Variants in FAT3 observed in about 807,000 individuals in gnomAD.
FAT3 encodes the protein protocadherin Fat 3.
In FAT3, 95 loss-of-function variants were observed where a neutral mutation model predicts 310.2. The ratio of observed to expected loss-of-function variants is 0.31; its 90% CI spans 0.26 to 0.36. The LOEUF (loss-of-function observed/expected upper bound fraction) is 0.36. Ranked by LOEUF, FAT3 falls within the 10% of genes least tolerant of loss-of-function variation. The probability of loss-of-function intolerance (pLI) is 1.00; values close to 1 mark genes in which losing one functional copy is unlikely to be tolerated. For synonymous variants in FAT3, 2,314 were observed against 2,192.9 expected (o/e 1.06, Z -1.54); for missense variants, 5,408 against 5,715.6 (o/e 0.95, Z 1.74).
chr11:92,474,289 T>C (rs186560903), intron 2 of FAT3, among the ~76,000 whole-genome samples: 4 of 152,194 alleles, frequency 2.6e-5, no homozygotes, highest in Admixed American at 2.6e-4. Flanking sequence ...ATGAGAAATT[T>C]ATTACCAGGA....
intron 3 of FAT3, among the ~76,000 whole-genome samples, chr11:92,628,585 G>T (rs924488097): frequency 1.3e-5 from 2 of 152,320 alleles, no homozygotes; most frequent in Non-Finnish European, 2.9e-5. Context: ...TTGACAGAGT[G>T]CTTAGTGAAA....
At chr11:92,888,681 G>GCT (rs1159182505) in intron 25 of FAT3, among the ~76,000 whole-genome samples, 1 of 152,146 alleles carries the variant, frequency 6.6e-6, no homozygotes, top group Non-Finnish European at 1.5e-5. Context: ...CTAGGCCTTG[G>GCT]GTCGTTCTGG....
chr11:92,859,249 C>A lies in FAT3; in HGVS notation c.11585C>A (p.Ala3862Asp). The change falls in exon 21 of 28, where the codon GCT becomes GAT. Residue 3862 changes from alanine to aspartate, a missense_variant. Ala to Asp is a moderately radical substitution (Grantham distance 126, BLOSUM62 -2). Around this residue, in one of 5 missense-constraint regions of FAT3, gnomAD observed 4,588 missense variants for 4,809.8 expected, o/e 0.95. Transcript: ENST00000525166. Reference sequence around the variant, plus strand: ...AGCAAAGAAGAGGATTTCAAACTAGCTCTGCGTCTTCGAACACTGCAAAGC... The same window carrying A: ...AGCAAAGAAGAGGATTTCAAACTAGATCTGCGTCTTCGAACACTGCAAAGC... ...ENSKEEDFKL[A>D]LRLRTLQSNG... 6.2e-7 allele frequency: 1 copy of A among 1,613,776 alleles called. No homozygotes were observed. The highest frequency in any genetic ancestry group is 8.5e-7 in the Non-Finnish European group (1 of 1,179,818).
chr11:92,793,998 C>T (rs1347930061), intron 9 of FAT3, among the ~76,000 whole-genome samples: 2 of 151,984 alleles, frequency 1.3e-5, no homozygotes, highest in African/African-American at 4.8e-5. Flanking sequence ...TAGGCACCCA[C>T]ATTTTACATG....
At chr11:92,531,806 G>C (rs1954083761) in intron 3 of FAT3, among the ~76,000 whole-genome samples, 1 of 151,916 alleles carries the variant, frequency 6.6e-6, no homozygotes, top group Admixed American at 6.6e-5. Flanking sequence ...ACCAACTTCA[G>C]AGTTTCTCAA....
chr11:92,685,924 G>T (rs1358389924), intron 3 of FAT3, among the ~76,000 whole-genome samples: 1 of 152,122 alleles, frequency 6.6e-6, no homozygotes, highest in Non-Finnish European at 1.5e-5. Context: ...TTATAAAGCA[G>T]TTATAAATAA....
At chr11:92,788,944 A>G (rs1165248031) in intron 7 of FAT3, among the ~76,000 whole-genome samples, 1 of 152,232 alleles carries the variant, frequency 6.6e-6, no homozygotes, top group Non-Finnish European at 1.5e-5. Context: ...TTATGGATGT[A>G]TTAACCAAAT....
intron 2 of FAT3, among the ~76,000 whole-genome samples, chr11:92,373,357 T>C (rs532009361): frequency 1.3e-5 from 2 of 152,218 alleles, no homozygotes; most frequent in Non-Finnish European, 2.9e-5. Context: ...ATGAAATAAT[T>C]TGCCCAAGTC....
chr11:92,750,700 C>T (rs1044038032), intron 4 of FAT3, among the ~76,000 whole-genome samples: 1 of 152,024 alleles, frequency 6.6e-6, no homozygotes, highest in African/African-American at 2.4e-5. Flanking sequence ...TTAATACTGG[C>T]TTGGTAGCAT....
intron 1 of FAT3, among the ~76,000 whole-genome samples, chr11:92,260,992 G>A (rs1253860653): frequency 3.3e-5 from 5 of 152,082 alleles, no homozygotes; most frequent in African/African-American, 9.7e-5. Context: ...GTCATTATCT[G>A]TGGGTAGTGT....
chr11:92,442,084 TATATATATATA>T (rs1951078565), intron 2 of FAT3, among the ~76,000 whole-genome samples: 27 of 63,188 alleles, frequency 4.3e-4, no homozygotes, highest in Middle Eastern at 0.012. Flanking sequence ...ATATATTTTA[TATATATATATA>T]TATATATATA....
chr11:92,236,883 G>A (rs1467484428), intron 1 of FAT3, among the ~76,000 whole-genome samples: 2 of 152,134 alleles, frequency 1.3e-5, no homozygotes, highest in Non-Finnish European at 2.9e-5. Context: ...AGTTTTGTGT[G>A]ATTGTTTTAG....
chr11:92,821,635 G>C (rs1022256125), intron 13 of FAT3, among the ~76,000 whole-genome samples: 1 of 152,176 alleles, frequency 6.6e-6, no homozygotes, highest in Non-Finnish European at 1.5e-5. Context: ...ATCATCTTCT[G>C]TTTTAAGTCT....
Position 92,799,446 on chromosome 11 carries a change from T to C in FAT3, c.6433T>C (p.Phe2145Leu). ...NSGNVILKEA[F>L]NSDLSNIEYG... ...AGGGAATGTTATTTTAAAGGAAGCA[T>C]TCAACTCTGACTTGTCCAACATTGA... Residue 2145 changes from phenylalanine (F) to leucine (L), a missense_variant, in exon 10 of 28, where the codon TTC becomes CTC. Phe to Leu is a conservative substitution (Grantham distance 22). Around this residue, in one of 5 missense-constraint regions of FAT3, gnomAD observed 4,588 missense variants for 4,809.8 expected, o/e 0.95. Coordinates refer to ENST00000525166, the MANE Select transcript of FAT3 (RefSeq NM_001367949.2). 6.2e-6 allele frequency: 10 copies of C among 1,613,628 alleles called. No homozygotes were observed. Among genetic ancestry groups the C allele is most frequent in the Non-Finnish European group, 7.6e-6 (9 of 1,179,778 alleles).
intron 2 of FAT3, among the ~76,000 whole-genome samples, chr11:92,384,115 C>G (rs1349720525): frequency 1.3e-5 from 2 of 152,156 alleles, no homozygotes; most frequent in Non-Finnish European, 2.9e-5. Context: ...GTCATTAATA[C>G]TAGCCTCCTT....
At chr11:92,680,195 A>T (rs1303671272) in intron 3 of FAT3, among the ~76,000 whole-genome samples, 1 of 151,506 alleles carries the variant, frequency 6.6e-6, no homozygotes. Context: ...ACCAATACCC[A>T]GAAGAGTTTT....
At chr11:92,653,637 T>C (rs1942468349) in intron 3 of FAT3, among the ~76,000 whole-genome samples, 1 of 152,220 alleles carries the variant, frequency 6.6e-6, no homozygotes, top group Non-Finnish European at 1.5e-5. Flanking sequence ...ACAATGGGGT[T>C]TGTTTCACAA....
At chr11:92,281,122 G>A (rs760690583) in intron 1 of FAT3, among the ~76,000 whole-genome samples, 48 of 152,022 alleles carry the variant, frequency 3.2e-4, no homozygotes, top group Non-Finnish European at 1.2e-4. Flanking sequence ...GCTTTGTATT[G>A]TCAAAAATTT....
chr11:92,258,438 G>C (rs1865401068), intron 1 of FAT3, among the ~76,000 whole-genome samples: 1 of 152,104 alleles, frequency 6.6e-6, no homozygotes, highest in South Asian at 2.1e-4. Context: ...ATTTGCACTA[G>C]CTGCAGTCTT....
Sources: gnomAD v4.1 joint callset for allele counts (sites outside exome capture counted in the v4.1 genomes callset) on GRCh38, gnomAD v4.1.1 for gene constraint, gnomAD v4.1.1 regional missense constraint, MANE v1.5 for transcripts, NCBI Gene and HGNC (gene_info 2026-07-23, HGNC 2026-07-21) for gene names.